CYB5R3: variants seen among roughly 807,000 people sequenced by gnomAD.
CYB5R3 encodes the protein cytochrome b5 reductase 3.
A neutral mutation model predicts 36.5 loss-of-function variants in CYB5R3; 28 were observed. That is an observed-to-expected ratio of 0.77 (90% CI 0.57 to 1.05). CYB5R3 has a LOEUF of 1.05. CYB5R3 is among the 50% of genes least tolerant of loss of function. CYB5R3 has a pLI of 0.00. For missense variants in CYB5R3, 474 were observed against 408.9 expected, an observed-to-expected ratio of 1.16 and a Z score of -1.37; for synonymous variants, 181 against 159.8, an observed-to-expected ratio of 1.13 and a Z score of -1.00.
intron 2 of CYB5R3, chr22:42,633,190 G>A (rs1436725254): frequency 2.6e-5 from 4 of 152,308 alleles, no homozygotes; most frequent in African/African-American, 9.6e-5. Context: ...GCAATCCTAG[G>A]ACATCTGCCA....
Position 42,631,003 on chromosome 22 carries a change from G to C in CYB5R3, c.227-15C>G. ...GATGTGCTGGCCTGCAGGACAGAAC[G>C]GGGTCACTCTGGGCCAGAGATCATC... On this transcript the variant is annotated splice_polypyrimidine_tract_variant and intron_variant, in intron 3 of 8. Transcript: ENST00000352397. 4 of 1,609,746 alleles carry C rather than the reference G, an allele frequency of 2.5e-6. No homozygotes were observed. The highest frequency in any genetic ancestry group is 3.4e-6 in the Non-Finnish European group (4 of 1,176,868).
At chr22:42,649,236 G>A in intron 1 of CYB5R3, 59 bp downstream of exon 1, 2 of 545,812 alleles carry the variant, frequency 3.7e-6, no homozygotes, top group Non-Finnish European at 2.4e-6. Context: ...CCGCCCCCTC[G>A]CCGCCGGGTC....
At chr22:42,630,766 G>A (rs549587016) in intron 4 of CYB5R3, 116 bp downstream of exon 4, 8 of 893,594 alleles carry the variant, frequency 9.0e-6, no homozygotes, top group South Asian at 5.7e-5. Context: ...AGCCATGACC[G>A]AGGCTGGGCT....
chr22:42,624,776 G>A lies in CYB5R3; in HGVS notation c.634-888C>T, dbSNP rs545178790. ...AGAAAGGGCTGCCCACTAACAAATC[G>A]CTACTGAGCTCCCAGGCTGGGCAAG... On this transcript the variant is annotated intron_variant, in intron 7 of 8. Coordinates refer to ENST00000352397, the MANE Select transcript of CYB5R3 (RefSeq NM_000398.7). 4.6e-5 allele frequency among the ~76,000 whole-genome samples: 7 copies of A among 152,192 alleles called. No individual in the cohort carries two copies. The East Asian group carries it at 5.8e-4, about 13-fold the overall frequency.
chr22:42,624,598 C>A (rs1158013993), intron 7 of CYB5R3, among the ~76,000 whole-genome samples: 1 of 136,414 alleles, frequency 7.3e-6, no homozygotes, highest in Non-Finnish European at 1.6e-5. Flanking sequence ...CGACTCCCCG[C>A]CCCCCACCCC....
At position 42,619,689 on chromosome 22, in the gene CYB5R3, T is replaced by C; in HGVS notation, c.*84A>G. 2 of 1,392,262 alleles carry C rather than the reference T, an allele frequency of 1.4e-6. No homozygotes were observed. Among genetic ancestry groups the C allele is most frequent in the Non-Finnish European group, 1.9e-6 (2 of 1,032,920 alleles). 86.2% of individuals were successfully genotyped at this position (1,392,262 alleles called of 1,614,324 possible). A position where few individuals can be genotyped will look rare whatever the true frequency, so the allele number is the denominator to read the frequency against. On this transcript the variant is annotated 3_prime_UTR_variant, in exon 9 of 9. Transcript: ENST00000352397. ...GGCCAGGCTGAACCCGGGGCCCCAG[T>C]GTGCGATGTGGGGAGGTGACTGGGT...
intron 8 of CYB5R3, among the ~76,000 whole-genome samples, chr22:42,623,275 A>G (rs1352184816): frequency 6.6e-6 from 1 of 152,206 alleles, no homozygotes; most frequent in East Asian, 1.9e-4. Flanking sequence ...CGCTGCCTCC[A>G]GCTTGGCTCT....
Position 42,646,851 on chromosome 22 carries a change from T to G in CYB5R3, c.21+2444A>C, listed in dbSNP as rs1018618006. The G allele has an allele frequency of 9.1e-6, 9 of 985,414 alleles. No individual in the cohort carries two copies. In the African/African-American group the frequency reaches 1.6e-4, roughly 17 times the overall value. The allele number at this position is 985,414 out of a possible 1,614,324, so 61.0% of individuals were successfully genotyped here. A position where few individuals can be genotyped will look rare whatever the true frequency, so the allele number is the denominator to read the frequency against. On this transcript the variant is annotated intron_variant, in intron 1 of 8. Coordinates refer to ENST00000352397, the MANE Select transcript of CYB5R3 (RefSeq NM_000398.7). ...CTGGGCCGCAGAGTAAGCATGGGGC[T>G]GCCAGGGACAGTAGGAAAGCCCGGC... is the stretch of plus-strand genomic sequence containing the variant.
chr22:42,632,215 A>T (rs1273554026), intron 2 of CYB5R3: 1 of 152,398 alleles, frequency 6.6e-6, no homozygotes, highest in Admixed American at 6.5e-5. Context: ...AACCAAACCC[A>T]GCGTCCTGAG....
chr22:42,627,315 A>T lies in CYB5R3; in HGVS notation c.622T>A (p.Phe208Ile). ...PDDHTVCHLL[F>I]ANQTEKDILL... ...GGATGCCCACTGACCTGGTTGGCAA[A>T]GAGCAGGTGGCACACAGTGTGGTCA... is the stretch of plus-strand genomic sequence containing the variant. The change falls in exon 7 of 9, where the codon TTT (phenylalanine) becomes ATT (isoleucine). Residue 208 changes from phenylalanine to isoleucine, a missense_variant. Physicochemically the swap from Phe to Ile is conservative, Grantham distance 21. Coordinates refer to ENST00000352397, the MANE Select transcript of CYB5R3 (RefSeq NM_000398.7). 1 of 1,613,978 alleles carries T rather than the reference A, an allele frequency of 6.2e-7. No individual in the cohort carries two copies. The highest frequency in any genetic ancestry group is 8.5e-7 in the Non-Finnish European group (1 of 1,179,968).
At chr22:42,633,613 A>G (rs2146888053) in intron 2 of CYB5R3, among the ~76,000 whole-genome samples, 1 of 152,218 alleles carries the variant, frequency 6.6e-6, no homozygotes, top group Non-Finnish European at 1.5e-5. Flanking sequence ...GAGAAACCCC[A>G]TCTCTACTAA....
chr22:42,646,532 G>C (rs1041239444), intron 1 of CYB5R3: 4 of 473,606 alleles, frequency 8.4e-6, no homozygotes, highest in Non-Finnish European at 1.1e-5. Context: ...GCCAGGTTAG[G>C]GGTGGGCAGA....
At chr22:42,627,872 A>T (rs1928373518) in intron 5 of CYB5R3, among the ~76,000 whole-genome samples, 184 bp from the exon 6 acceptor site, 1 of 152,162 alleles carries the variant, frequency 6.6e-6, no homozygotes, top group South Asian at 2.1e-4. Flanking sequence ...CCGGAGGCTC[A>T]GCTCTGTCCT....
Position 42,636,735 on chromosome 22 carries a change from G to T in CYB5R3, c.133C>A (p.Leu45Met). The change falls in exon 2 of 9, where the codon CTG becomes ATG. Residue 45 changes from leucine to methionine, a missense_variant. By Grantham distance (15) the Leu-to-Met change is conservative. Coordinates refer to ENST00000352397, the MANE Select transcript of CYB5R3 (RefSeq NM_000398.7). ...CTCACCTCCCGGTCGATGAGCCGCA[G>T]CGGGTACTTGATGTCCGGGCTCTCG... ...TLESPDIKYP[L>M]RLIDREIISH... The T allele has an allele frequency of 6.2e-7, 1 of 1,613,074 alleles. No homozygotes were observed. The highest frequency in any genetic ancestry group is 1.1e-5 in the South Asian group (1 of 91,044).
At position 42,644,557 on chromosome 22, in the gene CYB5R3, C is replaced by T. The variant is rs560124692; in HGVS notation, c.21+4738G>A. ...TCAAATCTTCCCTGATGAGCCCTTC[C>T]CTAGCTAACCAGGCCCTTGGTAGAC... On this transcript the variant is annotated intron_variant, in intron 1 of 8. Transcript: ENST00000352397. The T allele has an allele frequency of 1.1e-5, 17 of 1,521,470 alleles. No individual in the cohort carries two copies. In the East Asian group the frequency reaches 3.7e-4, roughly 33 times the overall value. 94.2% of individuals were successfully genotyped at this position (1,521,470 alleles called of 1,614,324 possible).
chr22:42,620,578 A>AC (rs1263015142), intron 8 of CYB5R3, among the ~76,000 whole-genome samples: 1 of 152,050 alleles, frequency 6.6e-6, no homozygotes, highest in East Asian at 1.9e-4. Flanking sequence ...CAACCACCCC[A>AC]CAGCCCTCAA....
intron 4 of CYB5R3, among the ~76,000 whole-genome samples, chr22:42,630,629 C>A (rs188208349): frequency 6.6e-6 from 1 of 152,318 alleles, no homozygotes; most frequent in Non-Finnish European, 1.5e-5. Flanking sequence ...GTAAAGATGA[C>A]GTGCTATTTA....
intron 1 of CYB5R3, among the ~76,000 whole-genome samples, chr22:42,645,886 C>T (rs543615842): frequency 7.7e-6 from 1 of 130,614 alleles, no homozygotes; most frequent in South Asian, 2.6e-4. Flanking sequence ...GTGGCAGGTC[C>T]CATGTGCAAC....
chr22:42,621,076 G>T (rs1927936805), intron 8 of CYB5R3, among the ~76,000 whole-genome samples: 1 of 152,248 alleles, frequency 6.6e-6, no homozygotes, highest in Non-Finnish European at 1.5e-5. Context: ...CAATGGATCT[G>T]AAGTGGATCT....
Sources: gnomAD v4.1 joint callset for allele counts (sites outside exome capture counted in the v4.1 genomes callset) on GRCh38, gnomAD v4.1.1 for gene constraint, MANE v1.5 for transcripts, NCBI Gene and HGNC (gene_info 2026-07-23, HGNC 2026-07-21) for gene names.